The following DHX30 variants were observed in gnomAD, a reference collection of about 807,000 sequenced individuals.
The protein encoded by DHX30 is ATP-dependent RNA helicase DHX30.
A neutral mutation model predicts 116.9 loss-of-function variants in DHX30; 4 were observed. That is an observed-to-expected ratio of 0.03 (90% CI 0.02 to 0.08). The LOEUF is 0.08. Ranked by LOEUF, DHX30 falls within the 10% of genes least tolerant of loss-of-function variation. The pLI is 1.00. For missense variants in DHX30, 871 were observed against 1,595.1 expected, an observed-to-expected ratio of 0.55 and a Z score of 7.73; for synonymous variants, 697 against 651.7, an observed-to-expected ratio of 1.07 and a Z score of -1.06.
chr3:47,833,562 A>C (rs1025656098), intron 6 of DHX30, among the ~76,000 whole-genome samples: 3 of 149,974 alleles, frequency 2.0e-5, no homozygotes, highest in African/African-American at 7.3e-5. Context: ...AAAAAAAGAA[A>C]GAGCACCTAA....
At chr3:47,824,132 A>T (rs749308916) in intron 4 of DHX30, among the ~76,000 whole-genome samples, 3 of 150,116 alleles carry the variant, frequency 2.0e-5, no homozygotes, top group Non-Finnish European at 3.0e-5. Context: ...CCTCCCGAGT[A>T]GCTGGGATTA....
At chr3:47,815,161 G>T (rs1198370178) in intron 3 of DHX30, among the ~76,000 whole-genome samples, 2 of 152,154 alleles carry the variant, frequency 1.3e-5, no homozygotes, top group East Asian at 3.8e-4. Flanking sequence ...CTTGAATCTG[G>T]CTTTCCCTAA....
intron 1 of DHX30, 68 bp downstream of exon 1, chr3:47,803,280 G>A: frequency 2.6e-6 from 1 of 390,126 alleles, no homozygotes; most frequent in Non-Finnish European, 4.5e-6. Context: ...GGGGGTGGTC[G>A]TCGTGAGGAG....
At chr3:47,845,632 T>G in intron 9 of DHX30, 68 bp from the exon 10 acceptor site, 89 of 1,413,882 alleles carry the variant, frequency 6.3e-5, no homozygotes, top group Middle Eastern at 1.9e-4. Flanking sequence ...TTGGAGCTCC[T>G]GAGCTTGTCT....
At position 47,847,790 on chromosome 3, in the gene DHX30, A is replaced by G. The variant is rs750284641; in HGVS notation, c.2120A>G (p.Asn707Ser). The G allele has an allele frequency of 6.2e-7, 1 of 1,613,580 alleles. No homozygotes were observed. Among genetic ancestry groups the G allele is most frequent in the East Asian group, 2.2e-5 (1 of 44,872 alleles). ...SKYLILPVHSNIPMMDQKAIF... is the reference protein window; with the variant it reads ...SKYLILPVHSSIPMMDQKAIF... ...GTGTCTTGCCCACCAGTGCACTCCAACATCCCCATGATGGATCAGAAGGCC... is the reference window on the plus strand; with the variant it reads ...GTGTCTTGCCCACCAGTGCACTCCAGCATCCCCATGATGGATCAGAAGGCC... The change falls in exon 14 of 22, where the codon AAC (asparagine) becomes AGC (serine). Residue 707 changes from asparagine to serine, a missense_variant. Around this residue, in one of 13 missense-constraint regions of DHX30, gnomAD observed 49 missense variants for 60.9 expected, o/e 0.80. Transcript: ENST00000445061. This position sits in a 1 kb window ranked among gnomAD's most constrained non-coding sequence, Gnocchi z 5.5.
intron 5 of DHX30, among the ~76,000 whole-genome samples, 175 bp downstream of exon 5, chr3:47,827,652 C>T (rs2036606742): frequency 6.6e-6 from 1 of 152,106 alleles, no homozygotes; most frequent in South Asian, 2.1e-4. Flanking sequence ...ATACACGTGC[C>T]TGGTTTAGGG....
At chr3:47,844,605 G>A (rs780781891) in intron 9 of DHX30, among the ~76,000 whole-genome samples, 4 of 152,242 alleles carry the variant, frequency 2.6e-5, no homozygotes, top group Admixed American at 6.5e-5. Flanking sequence ...GTGCCAGCAC[G>A]CCCAGAGGCA....
intron 6 of DHX30, among the ~76,000 whole-genome samples, chr3:47,834,632 G>T (rs1373021009): frequency 6.6e-6 from 1 of 151,952 alleles, no homozygotes; most frequent in Non-Finnish European, 1.5e-5. Flanking sequence ...ACCACACCTG[G>T]CTAATTTTGT....
At chr3:47,813,517 C>T (rs937802271) in intron 3 of DHX30, among the ~76,000 whole-genome samples, 10 of 152,118 alleles carry the variant, frequency 6.6e-5, no homozygotes, top group Non-Finnish European at 1.3e-4. Context: ...ATCCTGAGAG[C>T]TTTGTATTTC....
In DHX30 at chr3:47,850,185, C is replaced by A; in HGVS notation, c.*65C>A. The A allele has an allele frequency of 1.4e-6, 2 of 1,479,536 alleles. No individual in the cohort carries two copies. Among genetic ancestry groups the A allele is most frequent in the Non-Finnish European group, 1.8e-6 (2 of 1,114,038 alleles). 91.7% of individuals were successfully genotyped at this position (1,479,536 alleles called of 1,614,324 possible). On this transcript the variant is annotated 3_prime_UTR_variant, in exon 22 of 22. Transcript: ENST00000445061. The stretch of plus-strand genomic sequence containing the variant: ...TTATTTAAAATAAAGTTCTATTTAT[C>A]CCTTGTGACCACTGCTGTCCACTAG...
chr3:47,813,459 A>T (rs1439710033), intron 3 of DHX30, among the ~76,000 whole-genome samples: 1 of 152,184 alleles, frequency 6.6e-6, no homozygotes, highest in African/African-American at 2.4e-5. Context: ...TAGAGTTCAC[A>T]ATGTGTTTAT....
At position 47,810,202 on chromosome 3, in the gene DHX30, A is replaced by G. The variant is rs1036248118; in HGVS notation, c.-27-455A>G. Among the ~76,000 whole-genome samples, 6 of 152,346 alleles carry G rather than the reference A, an allele frequency of 3.9e-5. 1 individual carries two copies. The highest frequency in any genetic ancestry group is 1.2e-4 in the African/African-American group (5 of 41,584). ...AAGGCAGTTTGCCCATAAGGCAGTC[A>G]TCAGTCCTGTTTCCTGATGCCACAT... On this transcript the variant is annotated intron_variant, in intron 2 of 21. Transcript: ENST00000445061.
chr3:47,847,600 T>C lies in DHX30; in HGVS notation c.2110+64T>C. ...CCAGCCTGACCTCTGTCCTAGGGAC[T>C]GACCCAACTGGGACTCCAGGGGCCC... On this transcript the variant is annotated intron_variant, in intron 13 of 21. Coordinates refer to ENST00000445061, the MANE Select transcript of DHX30 (RefSeq NM_138615.3). The surrounding 1 kb of genome is among the most constrained non-coding windows in gnomAD (Gnocchi z 5.5). 6.7e-7 allele frequency: 1 copy of C among 1,487,416 alleles called. No individual in the cohort carries two copies. The highest frequency in any genetic ancestry group is 9.0e-7 in the Non-Finnish European group (1 of 1,108,944). 92.1% of individuals were successfully genotyped at this position (1,487,416 alleles called of 1,614,324 possible). A position where few individuals can be genotyped will look rare whatever the true frequency, so the allele number is the denominator to read the frequency against.
At chr3:47,810,761 G>C (rs1383905079) in intron 3 of DHX30, 50 bp downstream of exon 3, 2 of 1,587,526 alleles carry the variant, frequency 1.3e-6, no homozygotes, top group Non-Finnish European at 1.7e-6. Flanking sequence ...TATTGGGATG[G>C]GCAGCTCTGA....
In DHX30 at chr3:47,811,142, C is replaced by T. The variant is rs564668315; in HGVS notation, c.28+431C>T. Among the ~76,000 whole-genome samples the T allele has an allele frequency of 2.7e-5, 4 of 150,694 alleles. No individual in the cohort carries two copies. In the South Asian group the frequency reaches 6.3e-4, roughly 24 times the overall value. On this transcript the variant is annotated intron_variant, in intron 3 of 21. Transcript: ENST00000445061. The stretch of plus-strand genomic sequence containing the variant: ...TTCTTTTTTTTTTTTTTAGTTGAGA[C>T]GGGGTTTCACCATGTTGGCCAGGCT...
At chr3:47,812,587 T>C (rs969650224) in intron 3 of DHX30, among the ~76,000 whole-genome samples, 2 of 151,206 alleles carry the variant, frequency 1.3e-5, no homozygotes, top group African/African-American at 4.9e-5. Context: ...CATGAGAATT[T>C]ACTCACTATC....
chr3:47,809,764 C>T (rs1180451051), intron 2 of DHX30, among the ~76,000 whole-genome samples: 6 of 152,200 alleles, frequency 3.9e-5, no homozygotes, highest in East Asian at 3.9e-4. Context: ...AGTCAGGAGC[C>T]GGAGTGTTGG....
chr3:47,819,179 A>C, intron 4 of DHX30: 1 of 1,358,190 alleles, frequency 7.4e-7, no homozygotes, highest in South Asian at 1.1e-5. Context: ...CGTTACCAAA[A>C]CAAGAGTTGA....
In DHX30 at chr3:47,827,217, A is replaced by G. The variant is rs548731401; in HGVS notation, c.125-130A>G. 10 of 839,078 alleles carry G rather than the reference A, an allele frequency of 1.2e-5. No individual in the cohort carries two copies. The East Asian group carries it at 2.8e-4, about 23-fold the overall frequency. 52.0% of individuals were successfully genotyped at this position (839,078 alleles called of 1,614,324 possible). On this transcript the variant is annotated intron_variant, in intron 4 of 21. Coordinates refer to ENST00000445061, the MANE Select transcript of DHX30 (RefSeq NM_138615.3). ...AGTCATTCCTCTTTTCTTTTCCAAGATGCTCCTGGGTGGTTTGGGGTCATG... is the reference window on the plus strand; with the variant it reads ...AGTCATTCCTCTTTTCTTTTCCAAGGTGCTCCTGGGTGGTTTGGGGTCATG...
Sources: gnomAD v4.1 joint callset for allele counts (sites outside exome capture counted in the v4.1 genomes callset) on GRCh38, gnomAD v4.1.1 for gene constraint, gnomAD v4.1.1 regional missense constraint, Gnocchi (gnomAD v3.1) non-coding constraint, MANE v1.5 for transcripts, NCBI Gene and HGNC (gene_info 2026-07-23, HGNC 2026-07-21) for gene names.